Variants in SDK1 observed in about 807,000 individuals in gnomAD.
SDK1 encodes sidekick cell adhesion molecule 1.
A neutral mutation model predicts 245.5 loss-of-function variants in SDK1; 157 were observed. That is an observed-to-expected ratio of 0.64 (90% CI 0.56 to 0.73). The LOEUF (loss-of-function observed/expected upper bound fraction) is 0.73. Ranked by LOEUF, SDK1 falls within the 30% of genes least tolerant of loss-of-function variation. The pLI is 0.00. For synonymous variants in SDK1, 1,647 were observed against 1,278.5 expected, an observed-to-expected ratio of 1.29 and a Z score of -6.15; for missense variants, 3,583 against 3,002.3, an observed-to-expected ratio of 1.19 and a Z score of -4.52.
At chr7:3,691,277 G>A (rs12701044) in intron 4 of SDK1, among the ~76,000 whole-genome samples, 83,479 of 152,054 alleles carry the variant, frequency 0.55, 26,880 homozygotes, top group Non-Finnish European at 0.74. Flanking sequence ...AGTAAAAAAT[G>A]CCATAGAATG....
chr7:3,537,314 A>G (rs1161586556), intron 1 of SDK1, among the ~76,000 whole-genome samples: 3 of 152,124 alleles, frequency 2.0e-5, no homozygotes, highest in African/African-American at 7.2e-5. Flanking sequence ...TTCTTTTCTT[A>G]ATGTCTATGT....
At chr7:3,489,953 A>G (rs1781819030) in intron 1 of SDK1, among the ~76,000 whole-genome samples, 1 of 152,004 alleles carries the variant, frequency 6.6e-6, no homozygotes, top group South Asian at 2.1e-4. Context: ...AAAGGCTAAT[A>G]CATTTGGAGA....
At chr7:3,864,100 G>T (rs1780763577) in intron 5 of SDK1, among the ~76,000 whole-genome samples, 1 of 150,556 alleles carries the variant, frequency 6.6e-6, no homozygotes, top group Non-Finnish European at 1.5e-5. Context: ...CTTAATTTCT[G>T]TTTTTTGTTT....
intron 4 of SDK1, among the ~76,000 whole-genome samples, chr7:3,770,499 A>C (rs1048015196): frequency 1.3e-5 from 2 of 152,196 alleles, no homozygotes; most frequent in African/African-American, 4.8e-5. Flanking sequence ...TGGTAGCTAT[A>C]TGTTTAGTTT....
intron 22 of SDK1, among the ~76,000 whole-genome samples, chr7:4,107,011 G>C (rs1193982666): frequency 6.6e-6 from 1 of 151,796 alleles, no homozygotes; most frequent in Admixed American, 6.6e-5. Context: ...GAGCATCCAG[G>C]CCAGAGGAGG....
At chr7:3,935,990 A>C in intron 5 of SDK1, among the ~76,000 whole-genome samples, 1 of 152,238 alleles carries the variant, frequency 6.6e-6, no homozygotes, top group East Asian at 1.9e-4. Flanking sequence ...GAACAATCCA[A>C]GTGTTCATGG....
intron 14 of SDK1, among the ~76,000 whole-genome samples, chr7:3,992,186 G>T (rs887489860): frequency 6.6e-6 from 1 of 152,204 alleles, no homozygotes; most frequent in Admixed American, 6.5e-5. Context: ...GATAGCCTCT[G>T]CCCTGACGAC....
intron 22 of SDK1, among the ~76,000 whole-genome samples, chr7:4,086,619 C>G (rs995713971): frequency 3.9e-5 from 6 of 152,054 alleles, no homozygotes; most frequent in Admixed American, 6.6e-5. Flanking sequence ...TGGCTCTTTC[C>G]TCCTCCTTCC....
At chr7:3,867,740 C>A (rs1307488700) in intron 5 of SDK1, among the ~76,000 whole-genome samples, 1 of 152,198 alleles carries the variant, frequency 6.6e-6, no homozygotes, top group Non-Finnish European at 1.5e-5. Context: ...AAGCACATCA[C>A]TTAAAATATG....
chr7:3,374,355 C>G (rs17813034), intron 1 of SDK1, among the ~76,000 whole-genome samples: 5,121 of 152,258 alleles, frequency 0.034, 116 homozygotes, highest in Middle Eastern at 0.088. Context: ...TCATCAGATG[C>G]TGTGGTTACA....
Position 3,301,873 on chromosome 7 carries a change from C to T in SDK1, c.287C>T (p.Ala96Val), listed in dbSNP as rs1047961283. ...LLALQLHLLR[A>V]LAQDDVAPYF... Reference sequence around the variant, plus strand: ...GCGCTGCAGCTGCACTTGCTCCGGGCGCTGGCGCAAGGTAGGTGCGCGCGG... The same window carrying T: ...GCGCTGCAGCTGCACTTGCTCCGGGTGCTGGCGCAAGGTAGGTGCGCGCGG... The change falls in exon 1 of 45, where the codon GCG becomes GTG. Residue 96 changes from alanine (A) to valine (V), a missense_variant. Coordinates refer to ENST00000404826, the MANE Select transcript of SDK1 (RefSeq NM_152744.4). 3.8e-5 allele frequency: 43 copies of T among 1,136,918 alleles called. No homozygotes were observed. Among genetic ancestry groups the T allele is most frequent in the Non-Finnish European group, 3.0e-5 (28 of 927,800 alleles). 70.4% of individuals were successfully genotyped at this position (1,136,918 alleles called of 1,614,324 possible). A position where few individuals can be genotyped will look rare whatever the true frequency, so the allele number is the denominator to read the frequency against.
intron 1 of SDK1, among the ~76,000 whole-genome samples, chr7:3,479,546 A>G (rs757747343): frequency 9.2e-5 from 14 of 151,804 alleles, no homozygotes; most frequent in Non-Finnish European, 1.2e-4. Flanking sequence ...TGCTCTGATT[A>G]GCAATTAGTG....
intron 3 of SDK1, among the ~76,000 whole-genome samples, chr7:3,640,467 G>T (rs1277435882): frequency 6.6e-6 from 1 of 152,114 alleles, no homozygotes; most frequent in Non-Finnish European, 1.5e-5. Context: ...CACTAGGAAG[G>T]CTTAAATTTT....
intron 4 of SDK1, among the ~76,000 whole-genome samples, chr7:3,718,655 G>A (rs540244762): frequency 1.3e-5 from 2 of 152,146 alleles, no homozygotes; most frequent in East Asian, 3.9e-4. Flanking sequence ...CATCAACTTC[G>A]TAAAGAGTAT....
At chr7:3,654,930 G>T (rs1035202834) in intron 4 of SDK1, among the ~76,000 whole-genome samples, 27 of 152,114 alleles carry the variant, frequency 1.8e-4, no homozygotes, top group Admixed American at 1.6e-3. Context: ...GCACATAATT[G>T]CAGTTCACCA....
chr7:3,994,289 C>T (rs1784547204), intron 14 of SDK1, among the ~76,000 whole-genome samples: 1 of 152,150 alleles, frequency 6.6e-6, no homozygotes, highest in African/African-American at 2.4e-5. Context: ...GCTTATCAGA[C>T]TCCAACTCTA....
At chr7:4,039,046 G>T (rs186516914) in intron 17 of SDK1, among the ~76,000 whole-genome samples, 3 of 151,556 alleles carry the variant, frequency 2.0e-5, no homozygotes, top group African/African-American at 7.3e-5. Context: ...ATTAAAAAAC[G>T]TAAGGACAAA....
At chr7:3,380,092 T>G (rs1185200291) in intron 1 of SDK1, among the ~76,000 whole-genome samples, 1 of 152,204 alleles carries the variant, frequency 6.6e-6, no homozygotes, top group African/African-American at 2.4e-5. Flanking sequence ...TTTTTAAAAC[T>G]CCTAATTTGA....
chr7:4,210,237 C>A, intron 38 of SDK1, 75 bp downstream of exon 38: 1 of 1,302,076 alleles, frequency 7.7e-7, no homozygotes, highest in Non-Finnish European at 9.9e-7. Flanking sequence ...CACAGTGAGC[C>A]GCACCTGACC....
Sources: gnomAD v4.1 joint callset for allele counts (sites outside exome capture counted in the v4.1 genomes callset) on GRCh38, gnomAD v4.1.1 for gene constraint, MANE v1.5 for transcripts, NCBI Gene and HGNC (gene_info 2026-07-23, HGNC 2026-07-21) for gene names.